SPATA6L: variants seen among roughly 807,000 people sequenced by gnomAD.
SPATA6L encodes the protein spermatogenesis associated 6 like.
Under a neutral mutation model 49.2 loss-of-function variants are expected in SPATA6L, and 68 were observed. That is an observed-to-expected ratio of 1.38 (90% confidence interval 1.14 to 1.69). SPATA6L has a LOEUF of 1.69. Among genes scored for constraint, SPATA6L ranks in the 40% most tolerant of loss-of-function variants. The probability of loss-of-function intolerance (pLI) is 0.00; values close to 1 mark genes in which losing one functional copy is unlikely to be tolerated. For synonymous variants in SPATA6L, 198 were observed against 165.7 expected (o/e 1.19, Z -1.50); for missense variants, 668 against 464.3 (o/e 1.44, Z -4.03).
At chr9:4,607,049 G>T (rs201639265) in intron 9 of SPATA6L, among the ~76,000 whole-genome samples, 2,735 of 150,944 alleles carry the variant, frequency 0.018, 44 homozygotes, top group South Asian at 0.052. Context: ...TATCAGCGAT[G>T]GAAGATGAAA....
rs992926988 is a variant in SPATA6L at position 4,622,336 on chromosome 9, A to C, written c.772+72T>G. On this transcript the variant is annotated intron_variant, in intron 7 of 11. Coordinates refer to ENST00000682582, the MANE Select transcript of SPATA6L (RefSeq NM_001353486.2). ...CTGAACATCACCTGTGATTCCTCAG[A>C]ATGAAAGAGTATACTCAGGACGCAT... 4.7e-5 allele frequency: 42 copies of C among 897,744 alleles called. No individual in the cohort carries two copies. The Admixed American group carries it at 7.6e-4, about 16-fold the overall frequency. The allele number at this position is 897,744 out of a possible 1,614,324, so 55.6% of individuals were successfully genotyped here. A position where few individuals can be genotyped will look rare whatever the true frequency, so the allele number is the denominator to read the frequency against.
In SPATA6L at chr9:4,641,689, C is replaced by T. The variant is rs115064858; in HGVS notation, c.227-6290G>A. Among the ~76,000 whole-genome samples the T allele has an allele frequency of 7.8e-3, 1,191 of 152,262 alleles. 15 individuals are homozygous for T. The highest frequency in any genetic ancestry group is 0.028 in the African/African-American group (1,150 of 41,544). On this transcript the variant is annotated intron_variant, in intron 3 of 11. Coordinates refer to ENST00000682582, the MANE Select transcript of SPATA6L (RefSeq NM_001353486.2). ...GGTCCAACTATATATAGGGTATGCGCGTGCATGTGTGGTTATTTTACGGTT... is the reference window on the plus strand; with the variant it reads ...GGTCCAACTATATATAGGGTATGCGTGTGCATGTGTGGTTATTTTACGGTT...
intron 9 of SPATA6L, among the ~76,000 whole-genome samples, chr9:4,616,622 G>A (rs1364282178): frequency 6.6e-6 from 1 of 152,206 alleles, no homozygotes; most frequent in Non-Finnish European, 1.5e-5. Context: ...TTGCGCTCTT[G>A]TTGCCCAGGC....
chr9:4,609,597 A>C (rs28767582), intron 9 of SPATA6L, among the ~76,000 whole-genome samples: 3,383 of 150,428 alleles, frequency 0.022, 124 homozygotes, highest in African/African-American at 0.08. Context: ...ATTCAACAAC[A>C]CTTCATGCTA....
chr9:4,592,757 C>T (rs1247910241), intron 13 of SPATA6L, among the ~76,000 whole-genome samples: 1 of 152,116 alleles, frequency 6.6e-6, no homozygotes, highest in Non-Finnish European at 1.5e-5. Flanking sequence ...GTAGCTCTTA[C>T]GTTGTGTTCT....
intron 5 of SPATA6L, 49 bp downstream of exon 5, chr9:4,629,042 A>C (rs1455954836): frequency 2.2e-5 from 19 of 847,220 alleles, no homozygotes; most frequent in Non-Finnish European, 2.9e-5. Flanking sequence ...TTTAAATTTG[A>C]AAAAAAAAAA....
At position 4,599,028 on chromosome 9, in the gene SPATA6L, T is replaced by A. The variant is rs779178768; in HGVS notation, c.*1783A>T. Among the ~76,000 whole-genome samples, 123 of 152,256 alleles carry A rather than the reference T, an allele frequency of 8.1e-4. 1 individual carries two copies. Among genetic ancestry groups the A allele is most frequent in the Non-Finnish European group, 1.8e-4 (12 of 68,036 alleles). On this transcript the variant is annotated 3_prime_UTR_variant, in exon 12 of 12. Coordinates refer to ENST00000682582, the MANE Select transcript of SPATA6L (RefSeq NM_001353486.2). ...ATATTTACATAAACACAATGAAGTA[T>A]CTTCAGGATAGGGGATAGGACCCAA... is the stretch of plus-strand genomic sequence containing the variant.
chr9:4,620,125 C>A (rs547009167), intron 7 of SPATA6L, among the ~76,000 whole-genome samples: 2 of 152,272 alleles, frequency 1.3e-5, no homozygotes, highest in African/African-American at 4.8e-5. Flanking sequence ...GCTCTCTTCT[C>A]TCCCACCCCC....
chr9:4,651,354 T>C (rs1254328008), intron 3 of SPATA6L, among the ~76,000 whole-genome samples: 2 of 152,018 alleles, frequency 1.3e-5, no homozygotes, highest in Admixed American at 1.3e-4. Context: ...TGTAGAGAGA[T>C]TAAATTAGTA....
In SPATA6L at chr9:4,662,972, G is replaced by A. The variant is rs756634418; in HGVS notation, c.40-936C>T. 1.2e-6 allele frequency: 2 copies of A among 1,612,864 alleles called. No homozygotes were observed. The highest frequency in any genetic ancestry group is 1.1e-5 in the South Asian group (1 of 90,990). Reference sequence around the variant, plus strand: ...GCCCGGCCCACAACCAGATGGACATGTTTGTCACTCTCTCGGTGGACAAGT... The same window carrying A: ...GCCCGGCCCACAACCAGATGGACATATTTGTCACTCTCTCGGTGGACAAGT... On this transcript the variant is annotated intron_variant, in intron 1 of 11. Coordinates refer to ENST00000682582, the MANE Select transcript of SPATA6L (RefSeq NM_001353486.2). This position sits in a 1 kb window ranked among gnomAD's most constrained non-coding sequence, Gnocchi z 4.9.
intron 9 of SPATA6L, among the ~76,000 whole-genome samples, chr9:4,606,053 T>A (rs4304372): frequency 1.4e-5 from 2 of 143,744 alleles, no homozygotes; most frequent in Non-Finnish European, 2.9e-5. Context: ...GGGTGACAGA[T>A]GGCACCTGGA....
chr9:4,663,253 G>A, intron 1 of SPATA6L: 1 of 1,612,776 alleles, frequency 6.2e-7, no homozygotes, highest in Non-Finnish European at 8.5e-7. Flanking sequence ...TTACTGTGGA[G>A]TCAACGATGA....
downstream of SPATA6L, among the ~76,000 whole-genome samples, chr9:4,595,608 C>T (rs1822197009): frequency 6.6e-6 from 1 of 152,122 alleles, no homozygotes; most frequent in African/African-American, 2.4e-5. Flanking sequence ...TTATACTCTC[C>T]CCAGTTGCCT....
chr9:4,640,635 G>A (rs1311730918), intron 3 of SPATA6L, among the ~76,000 whole-genome samples: 1 of 152,020 alleles, frequency 6.6e-6, no homozygotes, highest in Non-Finnish European at 1.5e-5. Flanking sequence ...ACTACTACGT[G>A]CCCGGAGCCA....
At position 4,635,285 on chromosome 9, in the gene SPATA6L, A is replaced by C; in HGVS notation, c.341T>G (p.Leu114Arg). The stretch of plus-strand genomic sequence containing the variant: ...GCATGAATCACTTACTGGAAAACCC[A>C]GAGCCGTCTTCATGAGCACCTCCCT... ...RCREVLMKTA[L>R]GFPGIAPKIE... Residue 114 changes from leucine (L) to arginine (R), a missense_variant, in exon 4 of 12, where the codon CTG becomes CGG. Transcript: ENST00000682582. The C allele has an allele frequency of 2.0e-6, 3 of 1,527,660 alleles. No individual in the cohort carries two copies. The highest frequency in any genetic ancestry group is 2.6e-6 in the Non-Finnish European group (3 of 1,149,678). 94.6% of individuals were successfully genotyped at this position (1,527,660 alleles called of 1,614,324 possible). A position where few individuals can be genotyped will look rare whatever the true frequency, so the allele number is the denominator to read the frequency against.
At chr9:4,626,562 G>T (rs986953271) in intron 5 of SPATA6L, 79 of 1,302,782 alleles carry the variant, frequency 6.1e-5, no homozygotes, top group Non-Finnish European at 7.4e-5. Context: ...AGCCCTAGGG[G>T]TGGAAGCTGC....
At chr9:4,604,497 C>G (rs1442596054) in intron 10 of SPATA6L, among the ~76,000 whole-genome samples, 1 of 152,160 alleles carries the variant, frequency 6.6e-6, no homozygotes, top group Non-Finnish European at 1.5e-5. Context: ...ATTCTCCCTC[C>G]TCAGCCTCCC....
intron 2 of SPATA6L, among the ~76,000 whole-genome samples, chr9:4,660,367 T>G (rs571978548): frequency 1.3e-5 from 2 of 152,084 alleles, no homozygotes; most frequent in Admixed American, 1.3e-4. Context: ...AAAAAGTGGG[T>G]GAAGGACATG....
Position 4,635,382 on chromosome 9 carries a change from A to C in SPATA6L, c.244T>G (p.Tyr82Asp). Residue 82 changes from tyrosine (Y) to aspartate (D), a missense_variant, in exon 4 of 12, where the codon TAC becomes GAC. Tyr to Asp is a radical substitution (Grantham distance 160, BLOSUM62 -3). Coordinates refer to ENST00000682582, the MANE Select transcript of SPATA6L (RefSeq NM_001353486.2). ...DLLEMWDELA[Y>D]YEENTRDFLF... The stretch of plus-strand genomic sequence containing the variant: ...AAATCTCGTGTGTTTTCTTCGTAGT[A>C]GGCCAACTCATCCCACACTAGAAAG... 6.3e-7 allele frequency: 1 copy of C among 1,588,200 alleles called. No individual in the cohort carries two copies. Among genetic ancestry groups the C allele is most frequent in the South Asian group, 1.2e-5 (1 of 86,806 alleles).
Sources: gnomAD v4.1 joint callset for allele counts (sites outside exome capture counted in the v4.1 genomes callset) on GRCh38, gnomAD v4.1.1 for gene constraint, Gnocchi (gnomAD v3.1) non-coding constraint, MANE v1.5 for transcripts, NCBI Gene and HGNC (gene_info 2026-07-23, HGNC 2026-07-21) for gene names.